Variants in RB1 observed in about 807,000 individuals in gnomAD.
RB1 encodes RB transcriptional corepressor 1, also known as retinoblastoma-associated protein.
In RB1, 18 loss-of-function variants were observed where a neutral mutation model predicts 135.4. That is an observed-to-expected ratio of 0.13 (90% confidence interval 0.09 to 0.20). RB1 has a LOEUF of 0.20. RB1 is among the 10% of genes least tolerant of loss of function. RB1 has a pLI of 1.00. For synonymous variants in RB1, 365 were observed against 373.2 expected, an observed-to-expected ratio of 0.98 and a Z score of 0.25; for missense variants, 868 against 1,110.0, an observed-to-expected ratio of 0.78 and a Z score of 3.10.
Position 48,319,535 on chromosome 13 carries a change from G to T in RB1, c.264+12129G>T. 3.8e-6 allele frequency: 1 copy of T among 265,366 alleles called. No homozygotes were observed. 16.4% of individuals were successfully genotyped at this position (265,366 alleles called of 1,614,324 possible). On this transcript the variant is annotated intron_variant, in intron 2 of 26. Transcript: ENST00000267163. This position sits in a 1 kb window ranked among gnomAD's most constrained non-coding sequence, Gnocchi z 5.0. ...GGCTGCAGGGGGCTGCTGGCTTCGGGCTGCCCTTGTTCTCCTGCTTGGTCG... is the reference window on the plus strand; with the variant it reads ...GGCTGCAGGGGGCTGCTGGCTTCGGTCTGCCCTTGTTCTCCTGCTTGGTCG...
In RB1 at chr13:48,329,339, A is replaced by C. The variant is rs115218789; in HGVS notation, c.265-13260A>C. On this transcript the variant is annotated intron_variant, in intron 2 of 26. Coordinates refer to ENST00000267163, the MANE Select transcript of RB1 (RefSeq NM_000321.3). ...TTCACCCACATTGAATCTGTGTTTC[A>C]GAAACTGTCTACCAAACTTTGTTTA... 3.1e-3 allele frequency among the ~76,000 whole-genome samples: 472 copies of C among 152,306 alleles called. 1 individual carries two copies. The highest frequency in any genetic ancestry group is 0.011 in the African/African-American group (446 of 41,562).
At chr13:48,445,821 C>G (rs1233883691) in intron 17 of RB1, among the ~76,000 whole-genome samples, 1 of 152,178 alleles carries the variant, frequency 6.6e-6, no homozygotes, top group Non-Finnish European at 1.5e-5. Context: ...AACGGTTTAT[C>G]TGTTTATACT....
chr13:48,303,779 G>T lies in RB1; in HGVS notation c.-134G>T, dbSNP rs760717060. 1.2e-4 allele frequency: 159 copies of T among 1,370,300 alleles called. No individual in the cohort carries two copies. Among genetic ancestry groups the T allele is most frequent in the Non-Finnish European group, 1.3e-4 (132 of 1,036,744 alleles). The allele number at this position is 1,370,300 out of a possible 1,614,324, so 84.9% of individuals were successfully genotyped here. A position where few individuals can be genotyped will look rare whatever the true frequency, so the allele number is the denominator to read the frequency against. On this transcript the variant is annotated 5_prime_UTR_variant, in exon 1 of 27. Transcript: ENST00000267163. ...TGCCGGGCGGGGGAGGGCGCGTCCG[G>T]TTTTTCTCAGGGGACGTTGAAATTA...
At chr13:48,406,201 A>ATGTG (rs146588176) in intron 17 of RB1, among the ~76,000 whole-genome samples, 1 of 151,860 alleles carries the variant, frequency 6.6e-6, no homozygotes, top group Non-Finnish European at 1.5e-5. Context: ...CAAAGGGTTA[A>ATGTG]TGTGTGTGTG....
At chr13:48,339,459 G>A (rs2138079273) in intron 2 of RB1, among the ~76,000 whole-genome samples, 1 of 152,318 alleles carries the variant, frequency 6.6e-6, no homozygotes, top group East Asian at 1.9e-4. Context: ...CGTGGGTGTG[G>A]GACCCTCCGA....
At chr13:48,430,670 G>A (rs1286963798) in intron 17 of RB1, among the ~76,000 whole-genome samples, 5 of 152,162 alleles carry the variant, frequency 3.3e-5, no homozygotes, top group African/African-American at 1.2e-4. Flanking sequence ...AACCCAGGGG[G>A]CGGAGGTTGC....
rs998101087 is a variant in RB1 at position 48,357,951 on chromosome 13, A to G, written c.608-2066A>G. ...TTACAGTCAAGTAAGGGAGATAGAC[A>G]TTAAATGAACAATCACAGAAATACT... On this transcript the variant is annotated intron_variant, in intron 6 of 26. Transcript: ENST00000267163. Among the ~76,000 whole-genome samples, 5 of 152,294 alleles carry G rather than the reference A, an allele frequency of 3.3e-5. No homozygotes were observed. The East Asian group carries it at 9.6e-4, about 29-fold the overall frequency.
chr13:48,431,450 A>G (rs1949128807), intron 17 of RB1, among the ~76,000 whole-genome samples: 1 of 152,238 alleles, frequency 6.6e-6, no homozygotes, highest in Non-Finnish European at 1.5e-5. Flanking sequence ...CCCACTTGGA[A>G]TTCAAAGAGA....
rs754975147 is a variant in RB1 at position 48,358,776 on chromosome 13, C to CA, written c.608-1240dup. Among the ~76,000 whole-genome samples, 325 of 152,226 alleles carry CA rather than the reference C, an allele frequency of 2.1e-3. 3 individuals carry two copies. The highest frequency in any genetic ancestry group is 3.7e-3 in the Non-Finnish European group (250 of 67,988). ...ACCGTTTGAGTTAGTCTCGCTCAGT[C>CA]AGTCTCTCATTTGATATTGGTACCA... On this transcript the variant is annotated intron_variant, in intron 6 of 26. Transcript: ENST00000267163.
intron 17 of RB1, chr13:48,408,776 A>G (rs573672467): frequency 1.3e-5 from 2 of 152,306 alleles, no homozygotes; most frequent in Middle Eastern, 3.4e-3. Context: ...TCCTGTTGAC[A>G]AGAGACACCA....
intron 18 of RB1, among the ~76,000 whole-genome samples, chr13:48,453,629 A>G (rs576951513): frequency 2.0e-4 from 31 of 152,330 alleles, no homozygotes; most frequent in Non-Finnish European, 4.6e-4. Context: ...GTCTCAATCA[A>G]TGTAGTAGTT....
chr13:48,342,871 C>A (rs561027913), intron 3 of RB1, among the ~76,000 whole-genome samples, 157 bp downstream of exon 3: 2 of 152,092 alleles, frequency 1.3e-5, no homozygotes, highest in East Asian at 3.9e-4. Context: ...TCTCATGGAG[C>A]CGTTATGAAA....
In RB1 at chr13:48,377,012, G is replaced by T. The variant is rs1952832211; in HGVS notation, c.1310G>T (p.Gly437Val). 6.2e-7 allele frequency: 1 copy of T among 1,613,726 alleles called. No individual in the cohort carries two copies. Among genetic ancestry groups the T allele is most frequent in the Non-Finnish European group, 8.5e-7 (1 of 1,179,824 alleles). ...KEKFAKAVGQ[G>V]CVEIGSQRYK... ...AAATTTGCTAAAGCTGTGGGACAGG[G>T]TTGTGTCGAAATTGGATCACAGGTA... Residue 437 changes from glycine (G) to valine (V), a missense_variant, in exon 13 of 27, where the codon GGT becomes GTT. This residue lies in a region of RB1 where 641 missense variants were observed against 791.3 expected (regional missense o/e 0.81). Transcript: ENST00000267163.
At chr13:48,423,905 A>G (rs935730411) in intron 17 of RB1, 9 of 152,422 alleles carry the variant, frequency 5.9e-5, no homozygotes, top group Admixed American at 2.0e-4. Flanking sequence ...CCTGGGCAAC[A>G]TAACGAGACA....
intron 6 of RB1, among the ~76,000 whole-genome samples, chr13:48,354,866 T>C (rs995193719): frequency 1.3e-5 from 2 of 152,092 alleles, no homozygotes; most frequent in Admixed American, 6.6e-5. Flanking sequence ...GATATCCATA[T>C]GCAGAAGAAT....
chr13:48,367,642 A>G (rs768623068), intron 10 of RB1, 39 bp downstream of exon 10: 1 of 1,586,692 alleles, frequency 6.3e-7, no homozygotes, highest in Non-Finnish European at 8.6e-7. Context: ...TGCTTTAGAT[A>G]TAGGTTGATA....
chr13:48,464,685 G>T (rs1949425987), intron 21 of RB1, among the ~76,000 whole-genome samples: 1 of 152,058 alleles, frequency 6.6e-6, no homozygotes, highest in Non-Finnish European at 1.5e-5. Context: ...CATTCTACCA[G>T]TCTATCTACT....
At chr13:48,328,238 T>G in intron 2 of RB1, 1 of 1,456,262 alleles carries the variant, frequency 6.9e-7, no homozygotes. Context: ...TCTTTGCTTC[T>G]GGAGGCCTTT....
At chr13:48,325,719 A>T (rs1443985493) in intron 2 of RB1, among the ~76,000 whole-genome samples, 2 of 151,920 alleles carry the variant, frequency 1.3e-5, no homozygotes, top group Non-Finnish European at 2.9e-5. Flanking sequence ...GGTATATCAT[A>T]ATTTATTTAT....
Sources: allele counts gnomAD v4.1 joint callset (sites outside exome capture counted in the v4.1 genomes callset), GRCh38; gene constraint gnomAD v4.1.1; regional missense constraint gnomAD v4.1.1; non-coding constraint Gnocchi (gnomAD v3.1); transcripts MANE v1.5; gene names NCBI Gene and HGNC (gene_info 2026-07-23, HGNC 2026-07-21).